The following VTI1A variants were observed in gnomAD, a reference collection of about 807,000 sequenced individuals.
VTI1A encodes vesicle transport through interaction with t-SNAREs 1A.
A neutral mutation model predicts 34.9 loss-of-function variants in VTI1A; 22 were observed. That is an observed-to-expected ratio of 0.63 (90% confidence interval 0.45 to 0.90). The LOEUF (loss-of-function observed/expected upper bound fraction) is 0.90. VTI1A is among the 40% of genes least tolerant of loss of function. VTI1A has a pLI of 0.00. For synonymous variants in VTI1A, 87 were observed against 97.3 expected (o/e 0.89, Z 0.62); for missense variants, 268 against 275.6 (o/e 0.97, Z 0.20).
intron 3 of VTI1A, among the ~76,000 whole-genome samples, chr10:112,480,291 TC>T (rs1848419503): frequency 1.3e-5 from 2 of 152,236 alleles, no homozygotes; most frequent in South Asian, 4.1e-4. Context: ...TTTAGTCACT[TC>T]AATAAAGTCA....
intron 3 of VTI1A, among the ~76,000 whole-genome samples, chr10:112,505,234 C>T (rs1281682413): frequency 6.6e-6 from 1 of 151,980 alleles, no homozygotes; most frequent in African/African-American, 2.4e-5. Flanking sequence ...TAAGTTTAAT[C>T]CTGTTTGTCT....
chr10:112,738,151 G>A (rs552545822), intron 7 of VTI1A, among the ~76,000 whole-genome samples: 2 of 152,272 alleles, frequency 1.3e-5, no homozygotes, highest in South Asian at 2.1e-4. Context: ...AGTCTGATTC[G>A]TTGTCTTACC....
At chr10:112,742,942 A>C (rs903832873) in intron 7 of VTI1A, among the ~76,000 whole-genome samples, 2 of 151,522 alleles carry the variant, frequency 1.3e-5, no homozygotes, top group African/African-American at 4.9e-5. Context: ...CCTTTATTGA[A>C]CCTGATATAT....
chr10:112,532,881 T>C (rs1850495697), intron 4 of VTI1A, among the ~76,000 whole-genome samples: 1 of 152,104 alleles, frequency 6.6e-6, no homozygotes, highest in African/African-American at 2.4e-5. Flanking sequence ...GACTCTTACA[T>C]ACACAGAAGT....
chr10:112,648,326 A>G (rs1846883067), intron 5 of VTI1A, among the ~76,000 whole-genome samples: 1 of 152,210 alleles, frequency 6.6e-6, no homozygotes. Flanking sequence ...CCATGAAACT[A>G]GAGAATGTTT....
At chr10:112,839,306 G>C in the VTI1A span, among the ~76,000 whole-genome samples, 1 of 152,174 alleles carries the variant, frequency 6.6e-6, no homozygotes, top group African/African-American at 2.4e-5. Context: ...GAGAAGCACC[G>C]TGACAGTGAT....
intron 5 of VTI1A, among the ~76,000 whole-genome samples, chr10:112,627,985 C>T (rs1057486306): frequency 3.3e-5 from 5 of 152,044 alleles, no homozygotes; most frequent in African/African-American, 4.8e-5. Flanking sequence ...AAAATGAGCC[C>T]CGCGCGTGTG....
chr10:112,537,263 A>G (rs1262238479), intron 4 of VTI1A, among the ~76,000 whole-genome samples: 1 of 148,260 alleles, frequency 6.7e-6, no homozygotes, highest in Non-Finnish European at 1.5e-5. Context: ...GTACACACAC[A>G]CGCACACACA....
chr10:112,765,449 A>T (rs927515706), intron 7 of VTI1A, among the ~76,000 whole-genome samples: 5 of 152,314 alleles, frequency 3.3e-5, no homozygotes, highest in African/African-American at 4.8e-5. Context: ...GCCTCAAGTG[A>T]TCTGCCCACC....
chr10:112,545,677 A>G (rs1851052620), intron 5 of VTI1A, among the ~76,000 whole-genome samples: 1 of 152,200 alleles, frequency 6.6e-6, no homozygotes, highest in Non-Finnish European at 1.5e-5. Flanking sequence ...CCCATGTCGG[A>G]TCTACTGGAT....
chr10:112,449,992 C>A (rs1208297793), intron 1 of VTI1A: 1 of 151,992 alleles, frequency 6.6e-6, no homozygotes, highest in South Asian at 2.1e-4. Context: ...CTCTCCCTCA[C>A]GGCTCAAGTC....
chr10:112,820,722 GC>G, downstream of VTI1A, among the ~76,000 whole-genome samples: 1 of 152,226 alleles, frequency 6.6e-6, no homozygotes, highest in Non-Finnish European at 1.5e-5. Flanking sequence ...GAGGGCAGAT[GC>G]GGGGAGTGCA....
At chr10:112,763,576 A>G (rs137945456) in intron 7 of VTI1A, among the ~76,000 whole-genome samples, 3 of 152,306 alleles carry the variant, frequency 2.0e-5, no homozygotes, top group South Asian at 2.1e-4. Context: ...TACTAAGAGC[A>G]TGTTGCCCTG....
At chr10:112,491,321 C>G (rs1415974528) in intron 3 of VTI1A, among the ~76,000 whole-genome samples, 1 of 152,188 alleles carries the variant, frequency 6.6e-6, no homozygotes, top group Non-Finnish European at 1.5e-5. Context: ...GTCAGGGGAC[C>G]TGACTAATCT....
At chr10:112,462,994 G>C (rs1044692486) in intron 2 of VTI1A, among the ~76,000 whole-genome samples, 102 of 151,972 alleles carry the variant, frequency 6.7e-4, no homozygotes, top group Non-Finnish European at 1.6e-4. Flanking sequence ...GCACGATCTC[G>C]GCTCACTGCA....
intron 5 of VTI1A, among the ~76,000 whole-genome samples, chr10:112,558,656 A>G (rs1851614177): frequency 6.6e-6 from 1 of 152,222 alleles, no homozygotes; most frequent in Admixed American, 6.5e-5. Context: ...CTGGGCATAT[A>G]CCAGCTCCAC....
chr10:112,588,659 T>G (rs1453376203), intron 5 of VTI1A, among the ~76,000 whole-genome samples: 1 of 152,180 alleles, frequency 6.6e-6, no homozygotes, highest in Non-Finnish European at 1.5e-5. Context: ...AAACTGCAAG[T>G]AGCAAGTAGT....
chr10:112,781,149 TACCC>T (rs965692415), intron 7 of VTI1A, among the ~76,000 whole-genome samples: 2 of 151,962 alleles, frequency 1.3e-5, no homozygotes, highest in African/African-American at 4.8e-5. Flanking sequence ...TTCACCATGT[TACCC>T]AGGCTGGTCA....
At chr10:112,833,160 A>T in the VTI1A span, among the ~76,000 whole-genome samples, 4 of 152,022 alleles carry the variant, frequency 2.6e-5, no homozygotes, top group Non-Finnish European at 4.4e-5. Flanking sequence ...CCTGACAGAC[A>T]TTGCTAATCG....
Sources: allele counts gnomAD v4.1 joint callset (sites outside exome capture counted in the v4.1 genomes callset), GRCh38; gene constraint gnomAD v4.1.1; transcripts MANE v1.5; gene names NCBI Gene and HGNC (gene_info 2026-07-23, HGNC 2026-07-21).